The following ADARB2 variants were observed in gnomAD, a reference collection of about 807,000 sequenced individuals.
ADARB2 encodes adenosine deaminase RNA specific B2 (inactive).
In ADARB2, 25 loss-of-function variants were observed where a neutral mutation model predicts 62.2. That is an observed-to-expected ratio of 0.40 (90% CI 0.29 to 0.56). ADARB2 has a LOEUF of 0.56. Ranked by LOEUF, ADARB2 falls within the 20% of genes least tolerant of loss-of-function variation. The probability of loss-of-function intolerance (pLI) is 0.43; values close to 1 mark genes in which losing one functional copy is unlikely to be tolerated. For synonymous variants in ADARB2, 572 were observed against 500.8 expected, an observed-to-expected ratio of 1.14 and a Z score of -1.90; for missense variants, 1,071 against 1,077.4, an observed-to-expected ratio of 0.99 and a Z score of 0.08.
At chr10:1,406,269 C>T (rs1205097014) in intron 1 of ADARB2, among the ~76,000 whole-genome samples, 1 of 152,204 alleles carries the variant, frequency 6.6e-6, no homozygotes, top group Non-Finnish European at 1.5e-5. Context: ...TGTGTGTGGG[C>T]CCTCCCCAGG....
intron 1 of ADARB2, among the ~76,000 whole-genome samples, chr10:1,571,789 GCTGGTGAGTGGA>G (rs1280705048): frequency 3.4e-5 from 5 of 147,768 alleles, no homozygotes; most frequent in African/African-American, 5.0e-5. Context: ...CAGGTGATAT[GCTGGTGAGTGGA>G]CAGGTGAGTG....
At chr10:1,648,968 C>A (rs925700567) in intron 1 of ADARB2, among the ~76,000 whole-genome samples, 1 of 152,162 alleles carries the variant, frequency 6.6e-6, no homozygotes, top group Admixed American at 6.5e-5. Context: ...CAGCACCAGG[C>A]GGGCTGCCCC....
At chr10:1,373,472 C>T (rs774863530) in intron 2 of ADARB2, among the ~76,000 whole-genome samples, 9 of 152,116 alleles carry the variant, frequency 5.9e-5, no homozygotes, top group Non-Finnish European at 8.8e-5. Context: ...AGTGCGTGTA[C>T]GAGTGTGTGC....
At chr10:1,253,256 A>G (rs1200920252) in intron 4 of ADARB2, among the ~76,000 whole-genome samples, 1 of 152,242 alleles carries the variant, frequency 6.6e-6, no homozygotes, top group Non-Finnish European at 1.5e-5. Context: ...ATCTGCAACC[A>G]GGATGTTTCT....
intron 1 of ADARB2, among the ~76,000 whole-genome samples, chr10:1,629,850 T>C (rs1040877089): frequency 3.3e-5 from 5 of 152,014 alleles, no homozygotes; most frequent in Admixed American, 1.3e-4. Context: ...TAAAACAGCA[T>C]TAACACAAAG....
intron 1 of ADARB2, among the ~76,000 whole-genome samples, chr10:1,498,201 C>A (rs994366598): frequency 1.3e-5 from 2 of 151,756 alleles, no homozygotes; most frequent in Non-Finnish European, 2.9e-5. Context: ...TGGTGAAACC[C>A]ATTTTTACTA....
At chr10:1,455,733 T>C (rs1010964441) in intron 1 of ADARB2, among the ~76,000 whole-genome samples, 1 of 152,244 alleles carries the variant, frequency 6.6e-6, no homozygotes, top group Admixed American at 6.5e-5. Flanking sequence ...TCTTCATGGA[T>C]ACAGATTCAT....
chr10:1,347,772 G>A (rs1036169029), intron 3 of ADARB2, among the ~76,000 whole-genome samples: 2 of 152,214 alleles, frequency 1.3e-5, no homozygotes, highest in African/African-American at 4.8e-5. Flanking sequence ...GCAGTGCACC[G>A]AAGGCACCCC....
At chr10:1,379,235 T>C in intron 1 of ADARB2, 75 bp from the exon 2 acceptor site, 2 of 1,243,832 alleles carry the variant, frequency 1.6e-6, no homozygotes, top group Non-Finnish European at 2.4e-6. Context: ...TAAGTTCTTA[T>C]TACTGAATGT....
intron 7 of ADARB2, among the ~76,000 whole-genome samples, chr10:1,211,683 T>C (rs944406312): frequency 1.3e-5 from 2 of 152,212 alleles, no homozygotes; most frequent in Non-Finnish European, 2.9e-5. Flanking sequence ...GTAAGCACCA[T>C]CACTGTGGCC....
At chr10:1,600,967 C>A (rs184042728) in intron 1 of ADARB2, among the ~76,000 whole-genome samples, 1 of 152,280 alleles carries the variant, frequency 6.6e-6, no homozygotes, top group East Asian at 1.9e-4. Flanking sequence ...TGACGGCGGC[C>A]GCAGAAGCAG....
chr10:1,540,717 C>CA (rs1832411746), intron 1 of ADARB2, among the ~76,000 whole-genome samples: 10 of 91,124 alleles, frequency 1.1e-4, no homozygotes, highest in African/African-American at 3.3e-4. Context: ...GACTCTGGAT[C>CA]CGTCCAGATC....
intron 3 of ADARB2, among the ~76,000 whole-genome samples, chr10:1,293,244 C>T (rs542232256): frequency 1.7e-3 from 104 of 61,078 alleles, no homozygotes; most frequent in African/African-American, 6.1e-3. Context: ...GAGAGAGGGA[C>T]GGGGGGAGAG....
At chr10:1,435,030 G>C (rs1830819052) in intron 1 of ADARB2, among the ~76,000 whole-genome samples, 1 of 152,250 alleles carries the variant, frequency 6.6e-6, no homozygotes, top group African/African-American at 2.4e-5. Context: ...AGCTTCGTTG[G>C]GGGAAGATTC....
intron 3 of ADARB2, among the ~76,000 whole-genome samples, chr10:1,360,672 G>A (rs1481706954): frequency 6.6e-6 from 1 of 152,202 alleles, no homozygotes; most frequent in East Asian, 1.9e-4. Context: ...GTACGAGGGA[G>A]GGTAAAATGG....
intron 1 of ADARB2, among the ~76,000 whole-genome samples, chr10:1,571,754 GCAGGTGAGTGGA>G (rs1466017067): frequency 7.7e-5 from 8 of 103,606 alleles, no homozygotes; most frequent in African/African-American, 3.3e-4. Flanking sequence ...AGGTGAGTGT[GCAGGTGAGTGGA>G]CAGGTGAGTA....
At chr10:1,630,480 G>C (rs893723910) in intron 1 of ADARB2, among the ~76,000 whole-genome samples, 10 of 152,102 alleles carry the variant, frequency 6.6e-5, no homozygotes, top group Admixed American at 3.3e-4. Context: ...CTCTCTATCA[G>C]AAGCCACGAG....
At chr10:1,464,967 T>A (rs1831234534) in intron 1 of ADARB2, among the ~76,000 whole-genome samples, 2 of 152,196 alleles carry the variant, frequency 1.3e-5, no homozygotes, top group Admixed American at 1.3e-4. Flanking sequence ...GTGGCTTGGT[T>A]CATCGTCACC....
chr10:1,232,099 C>T (rs557829753), intron 6 of ADARB2, among the ~76,000 whole-genome samples: 7 of 152,256 alleles, frequency 4.6e-5, no homozygotes, highest in Admixed American at 2.6e-4. Context: ...CCAGAGATTT[C>T]CTCCCTCATC....
Sources: allele counts gnomAD v4.1 joint callset (sites outside exome capture counted in the v4.1 genomes callset), GRCh38; gene constraint gnomAD v4.1.1; transcripts MANE v1.5; gene names NCBI Gene and HGNC (gene_info 2026-07-23, HGNC 2026-07-21).